SH3RF2: variants seen among roughly 807,000 people sequenced by gnomAD.
SH3RF2 encodes the protein E3 ubiquitin-protein ligase SH3RF2.
A neutral mutation model predicts 59.0 loss-of-function variants in SH3RF2; 43 were observed. The ratio of observed to expected loss-of-function variants is 0.73; its 90% CI spans 0.57 to 0.94. SH3RF2 has a LOEUF of 0.94. Ranked by LOEUF, SH3RF2 falls within the 40% of genes least tolerant of loss-of-function variation. The pLI, the probability that SH3RF2 is intolerant of heterozygous loss-of-function variation, is 0.00. For missense variants in SH3RF2, 930 were observed against 940.1 expected, an observed-to-expected ratio of 0.99 and a Z score of 0.14; for synonymous variants, 391 against 391.5, an observed-to-expected ratio of 1.00 and a Z score of 0.01.
intron 2 of SH3RF2, chr5:145,997,567 G>A (rs1301637226): frequency 6.8e-6 from 11 of 1,608,278 alleles, no homozygotes; most frequent in Non-Finnish European, 9.4e-6. Flanking sequence ...ACGGTTTCAG[G>A]ATTGGTGGGC....
chr5:145,993,334 G>C (rs746483466), intron 2 of SH3RF2, among the ~76,000 whole-genome samples: 1 of 152,144 alleles, frequency 6.6e-6, no homozygotes, highest in Non-Finnish European at 1.5e-5. Context: ...CCATTCTGTG[G>C]TCTGGAGGAT....
intron 2 of SH3RF2, among the ~76,000 whole-genome samples, chr5:145,985,348 A>C (rs1248109102): frequency 6.6e-6 from 1 of 152,272 alleles, no homozygotes; most frequent in East Asian, 1.9e-4. Context: ...TTAATTAAGT[A>C]AACCACTTGA....
At chr5:146,022,206 G>A (rs1437954148) in intron 5 of SH3RF2, among the ~76,000 whole-genome samples, 2 of 152,060 alleles carry the variant, frequency 1.3e-5, no homozygotes, top group Non-Finnish European at 2.9e-5. Context: ...CCCCTCTTCG[G>A]TTATTTTATT....
At chr5:145,967,588 G>T (rs1455848827) in intron 2 of SH3RF2, among the ~76,000 whole-genome samples, 1 of 152,180 alleles carries the variant, frequency 6.6e-6, no homozygotes, top group Non-Finnish European at 1.5e-5. Flanking sequence ...ACGTGGGACT[G>T]TCTCTATCTT....
chr5:146,015,544 T>C (rs1268009037), intron 5 of SH3RF2, among the ~76,000 whole-genome samples: 1 of 152,214 alleles, frequency 6.6e-6, no homozygotes, highest in Non-Finnish European at 1.5e-5. Context: ...AAACGATTCT[T>C]TATATATAGT....
chr5:146,012,429 C>CA (rs986521461), intron 4 of SH3RF2, among the ~76,000 whole-genome samples: 3 of 152,106 alleles, frequency 2.0e-5, no homozygotes, highest in African/African-American at 7.2e-5. Flanking sequence ...AATAGTTTCA[C>CA]AAGGAATGGT....
intron 9 of SH3RF2, among the ~76,000 whole-genome samples, chr5:146,076,931 T>C (rs560218871): frequency 1.3e-5 from 2 of 152,278 alleles, no homozygotes; most frequent in African/African-American, 2.4e-5. Context: ...GTGATCATTA[T>C]TAAAGTTTCC....
intron 5 of SH3RF2, among the ~76,000 whole-genome samples, chr5:146,032,884 C>G (rs1375709838): frequency 1.3e-5 from 2 of 152,216 alleles, no homozygotes; most frequent in East Asian, 3.9e-4. Flanking sequence ...AATCCCAGCC[C>G]TCACCGACTC....
chr5:145,980,720 C>G (rs1459192047), intron 2 of SH3RF2, among the ~76,000 whole-genome samples: 1 of 152,122 alleles, frequency 6.6e-6, no homozygotes, highest in Admixed American at 6.5e-5. Context: ...AAGGAAGGTG[C>G]CTTTTTGCCC....
intron 2 of SH3RF2, among the ~76,000 whole-genome samples, chr5:145,964,570 G>C (rs1197382215): frequency 6.6e-6 from 1 of 152,144 alleles, no homozygotes; most frequent in Non-Finnish European, 1.5e-5. Flanking sequence ...GCCTCCCAAA[G>C]TGTTGGGATT....
intron 2 of SH3RF2, among the ~76,000 whole-genome samples, chr5:145,996,630 T>C (rs1020283267): frequency 2.0e-5 from 3 of 152,156 alleles, no homozygotes; most frequent in African/African-American, 7.2e-5. Context: ...TAAGAAAGAT[T>C]AAGTAACTTA....
At chr5:145,967,986 G>GTT (rs60977449) in intron 2 of SH3RF2, among the ~76,000 whole-genome samples, 11,820 of 152,066 alleles carry the variant, frequency 0.078, 1,550 homozygotes, top group African/African-American at 0.27. Flanking sequence ...CTCTAGAAAA[G>GTT]ATCTCTTAAC....
intron 2 of SH3RF2, among the ~76,000 whole-genome samples, chr5:145,993,070 G>A (rs1055017381): frequency 2.0e-5 from 3 of 152,074 alleles, no homozygotes; most frequent in Non-Finnish European, 2.9e-5. Context: ...CATTTCAAAT[G>A]GGAGAAATAG....
intron 9 of SH3RF2, among the ~76,000 whole-genome samples, chr5:146,077,183 C>A (rs571016452): frequency 1.3e-5 from 2 of 152,178 alleles, no homozygotes; most frequent in Non-Finnish European, 2.9e-5. Flanking sequence ...AATCAAACCA[C>A]CTGCCCTCCC....
rs1035580745 is a variant in SH3RF2 at position 145,936,685 on chromosome 5, C to T, written c.-116C>T. 6.6e-6 allele frequency: 1 copy of T among 152,334 alleles called. No homozygotes were observed. The highest frequency in any genetic ancestry group is 1.5e-5 in the Non-Finnish European group (1 of 68,116). 9.4% of individuals were successfully genotyped at this position (152,334 alleles called of 1,614,324 possible). A position where few individuals can be genotyped will look rare whatever the true frequency, so the allele number is the denominator to read the frequency against. On this transcript the variant is annotated 5_prime_UTR_variant, in exon 1 of 10. Transcript: ENST00000359120. Reference sequence around the variant, plus strand: ...GCTGAGCTGAACTCAGCAGAAGTTACATGCACAAGGTTAGTGGCCCCCACA... The same window carrying T: ...GCTGAGCTGAACTCAGCAGAAGTTATATGCACAAGGTTAGTGGCCCCCACA...
chr5:145,944,549 T>A (rs1334627274), intron 2 of SH3RF2, among the ~76,000 whole-genome samples: 1 of 152,144 alleles, frequency 6.6e-6, no homozygotes, highest in African/African-American at 2.4e-5. Context: ...ATGCTTGTAC[T>A]TTAGACCAGC....
At chr5:145,998,198 A>G (rs1760245763) in intron 2 of SH3RF2, among the ~76,000 whole-genome samples, 1 of 152,104 alleles carries the variant, frequency 6.6e-6, no homozygotes, top group Non-Finnish European at 1.5e-5. Context: ...CTGTGAATGC[A>G]ATGCAAACAA....
intron 5 of SH3RF2, among the ~76,000 whole-genome samples, chr5:146,042,375 G>C (rs1412138002): frequency 2.0e-5 from 3 of 152,250 alleles, no homozygotes; most frequent in East Asian, 3.9e-4. Flanking sequence ...TATCTATTGA[G>C]CACTTACATT....
chr5:146,030,287 G>A (rs6864121), intron 5 of SH3RF2, among the ~76,000 whole-genome samples: 15 of 151,910 alleles, frequency 9.9e-5, no homozygotes, highest in South Asian at 4.1e-4. Context: ...TGCCCATGTC[G>A]TTTCATTCAG....
Sources: allele counts gnomAD v4.1 joint callset (sites outside exome capture counted in the v4.1 genomes callset), GRCh38; gene constraint gnomAD v4.1.1; transcripts MANE v1.5; gene names NCBI Gene and HGNC (gene_info 2026-07-23, HGNC 2026-07-21).